The following CADM2 variants were observed in gnomAD, a reference collection of about 807,000 sequenced individuals.
CADM2 encodes immunoglobulin superfamily member 4D.
CADM2 carries 12 observed loss-of-function variants against 49.8 expected under a neutral mutation model. That is an observed-to-expected ratio of 0.24 (90% CI 0.15 to 0.39). CADM2 has a LOEUF of 0.39. Among genes scored for constraint, CADM2 ranks in the 10% least tolerant of loss-of-function variants. The pLI, the probability that CADM2 is intolerant of heterozygous loss-of-function variation, is 1.00. For missense variants in CADM2, 378 were observed against 492.3 expected, an observed-to-expected ratio of 0.77 and a Z score of 2.20; for synonymous variants, 214 against 175.4, an observed-to-expected ratio of 1.22 and a Z score of -1.74.
At chr3:85,530,190 C>T (rs951403378) in intron 1 of CADM2, among the ~76,000 whole-genome samples, 1 of 152,166 alleles carries the variant, frequency 6.6e-6, no homozygotes, top group Non-Finnish European at 1.5e-5. Context: ...TTTTCACACA[C>T]TTGCTTGCTC....
chr3:85,519,937 A>G (rs1271955793), intron 1 of CADM2, among the ~76,000 whole-genome samples: 1 of 152,088 alleles, frequency 6.6e-6, no homozygotes, highest in Non-Finnish European at 1.5e-5. Context: ...CACTCCACTG[A>G]GTAAAAAGTG....
At chr3:85,265,518 T>A (rs909937036) in intron 1 of CADM2, among the ~76,000 whole-genome samples, 6 of 151,888 alleles carry the variant, frequency 4.0e-5, no homozygotes, top group African/African-American at 1.2e-4. Flanking sequence ...TTGAACTCAT[T>A]TTTATAACAA....
chr3:84,969,346 TA>T (rs2031245713), intron 1 of CADM2, among the ~76,000 whole-genome samples: 1 of 152,024 alleles, frequency 6.6e-6, no homozygotes, highest in Non-Finnish European at 1.5e-5. Context: ...TTAGTTTTAG[TA>T]GACAAAAGAA....
intron 3 of CADM2, among the ~76,000 whole-genome samples, chr3:85,818,410 C>T (rs2073351055): frequency 6.6e-6 from 1 of 152,098 alleles, no homozygotes; most frequent in South Asian, 2.1e-4. Flanking sequence ...GGGAAGCCAG[C>T]GCTGGTGCTT....
At chr3:85,290,814 T>C (rs959002236) in intron 1 of CADM2, among the ~76,000 whole-genome samples, 7 of 151,956 alleles carry the variant, frequency 4.6e-5, no homozygotes, top group African/African-American at 1.7e-4. Context: ...AGACCAAAAG[T>C]AGATAAAACC....
chr3:85,755,653 G>A (rs528139258), intron 2 of CADM2, among the ~76,000 whole-genome samples: 4 of 152,256 alleles, frequency 2.6e-5, no homozygotes, highest in African/African-American at 9.6e-5. Flanking sequence ...GGAAGGTGAA[G>A]GGGAAGCAGG....
chr3:85,981,403 C>T (rs1163754060), intron 8 of CADM2, among the ~76,000 whole-genome samples: 1 of 151,396 alleles, frequency 6.6e-6, no homozygotes, highest in Non-Finnish European at 1.5e-5. Context: ...AAATTTGTTA[C>T]ATTGGTAAAC....
Position 86,040,546 on chromosome 3 carries a change from GA to G in CADM2, c.971-25056del, listed in dbSNP as rs1735745762. ...GAAATTTAGAGAAAAAAGAATAAAA[GA>G]AACCAACAAAGCCTCCAAGAAATAT... On this transcript the variant is annotated intron_variant, in intron 8 of 9. Transcript: ENST00000383699. 3.9e-5 allele frequency among the ~76,000 whole-genome samples: 6 copies of G among 152,200 alleles called. No individual in the cohort carries two copies. The South Asian group carries it at 1.2e-3, about 32-fold the overall frequency.
At chr3:85,961,264 A>G (rs1724778533) in intron 7 of CADM2, among the ~76,000 whole-genome samples, 1 of 151,548 alleles carries the variant, frequency 6.6e-6, no homozygotes, top group South Asian at 2.1e-4. Context: ...ATATCTGCTT[A>G]GTTAAATAGA....
chr3:85,687,286 C>G (rs1445820874), intron 1 of CADM2, among the ~76,000 whole-genome samples: 5 of 152,072 alleles, frequency 3.3e-5, no homozygotes, highest in Admixed American at 1.3e-4. Flanking sequence ...AGTTAGGTAG[C>G]TTAAAAGAAT....
At chr3:85,358,967 T>C (rs1489877865) in intron 1 of CADM2, among the ~76,000 whole-genome samples, 2 of 152,166 alleles carry the variant, frequency 1.3e-5, no homozygotes, top group Non-Finnish European at 2.9e-5. Context: ...TCTGAAACAC[T>C]TTATAATGTG....
chr3:85,048,581 A>G (rs2035756402), intron 1 of CADM2, among the ~76,000 whole-genome samples: 1 of 152,172 alleles, frequency 6.6e-6, no homozygotes, highest in South Asian at 2.1e-4. Flanking sequence ...TTAGGACTTA[A>G]ATTAGGACAA....
chr3:85,287,323 A>G (rs534657330), intron 1 of CADM2, among the ~76,000 whole-genome samples: 14 of 152,170 alleles, frequency 9.2e-5, no homozygotes, highest in African/African-American at 2.6e-4. Context: ...TTGTGAAGGA[A>G]TACTTTTTTC....
At chr3:85,314,373 G>T (rs1394427081) in intron 1 of CADM2, among the ~76,000 whole-genome samples, 1 of 150,270 alleles carries the variant, frequency 6.7e-6, no homozygotes, top group African/African-American at 2.4e-5. Context: ...TTTTAACAAA[G>T]GACAAAATAA....
At chr3:85,717,258 T>C (rs1446988935) in intron 1 of CADM2, among the ~76,000 whole-genome samples, 3 of 152,250 alleles carry the variant, frequency 2.0e-5, no homozygotes, top group Non-Finnish European at 2.9e-5. Flanking sequence ...TTTGTGGCAA[T>C]TGTGAATGGG....
intron 8 of CADM2, among the ~76,000 whole-genome samples, chr3:85,985,689 T>C (rs1728013267): frequency 6.6e-6 from 1 of 152,048 alleles, no homozygotes; most frequent in Non-Finnish European, 1.5e-5. Context: ...TCTGTTTGTA[T>C]CACTATAATC....
chr3:85,143,242 G>A (rs1406273516), intron 1 of CADM2, among the ~76,000 whole-genome samples: 5 of 152,152 alleles, frequency 3.3e-5, no homozygotes, highest in East Asian at 3.9e-4. Flanking sequence ...TAGCACTTTC[G>A]GGGGCCAAGA....
At chr3:85,450,466 T>C (rs1205588228) in intron 1 of CADM2, among the ~76,000 whole-genome samples, 1 of 151,936 alleles carries the variant, frequency 6.6e-6, no homozygotes, top group Non-Finnish European at 1.5e-5. Flanking sequence ...GGATATCTAC[T>C]AAATTGGAAC....
intron 1 of CADM2, among the ~76,000 whole-genome samples, chr3:85,623,395 A>T (rs950671928): frequency 1.3e-5 from 2 of 152,096 alleles, no homozygotes; most frequent in African/African-American, 4.8e-5. Flanking sequence ...GAGATTCTTG[A>T]TTCGTTTTAT....
Sources: allele counts gnomAD v4.1 joint callset (sites outside exome capture counted in the v4.1 genomes callset), GRCh38; gene constraint gnomAD v4.1.1; transcripts MANE v1.5; gene names NCBI Gene and HGNC (gene_info 2026-07-23, HGNC 2026-07-21).